The following CTNNBIP1 variants were observed in gnomAD, a reference collection of about 807,000 sequenced individuals.
CTNNBIP1 encodes the protein catenin beta interacting protein 1.
In CTNNBIP1, 7 loss-of-function variants were observed where a neutral mutation model predicts 11.8. The observed-to-expected ratio is 0.60, with a 90% CI of 0.34 to 1.12. The LOEUF (loss-of-function observed/expected upper bound fraction) is 1.12, where lower values mean the gene tolerates loss of function less well. CTNNBIP1 is among the 50% of genes most tolerant of loss of function. The probability of loss-of-function intolerance (pLI) is 0.03; values close to 1 mark genes in which losing one functional copy is unlikely to be tolerated. For synonymous variants in CTNNBIP1, 58 were observed against 43.9 expected (o/e 1.32, Z -1.26); for missense variants, 101 against 113.4 (o/e 0.89, Z 0.50).
At position 9,871,939 on chromosome 1, in the gene CTNNBIP1, C is replaced by A; in HGVS notation, c.96+30G>T. On this transcript the variant is annotated intron_variant, in intron 4 of 5. Transcript: ENST00000377263. The surrounding 1 kb of genome is among the most constrained non-coding windows in gnomAD (Gnocchi z 5.2). ...CTCCCTGGGAGACCCTCCCTGGGGG[C>A]CCGCTGCCTGACACCCCACAGGCAC... 6.3e-7 allele frequency: 1 copy of A among 1,588,316 alleles called. No homozygotes were observed. The highest frequency in any genetic ancestry group is 8.6e-7 in the Non-Finnish European group (1 of 1,156,678).
intron 3 of CTNNBIP1, among the ~76,000 whole-genome samples, chr1:9,876,841 T>TACACAC (rs1368991651): frequency 2.1e-5 from 2 of 97,310 alleles, no homozygotes; most frequent in African/African-American, 5.0e-5. Context: ...ACTCCTGCTA[T>TACACAC]ACATACACAC....
intron 3 of CTNNBIP1, among the ~76,000 whole-genome samples, chr1:9,876,316 A>G (rs1026351063): frequency 5.3e-5 from 8 of 152,210 alleles, no homozygotes; most frequent in African/African-American, 1.7e-4. Context: ...AGCCAAAAAA[A>G]GGAAAATGAA....
At chr1:9,899,757 C>CAA (rs1296143611) in intron 1 of CTNNBIP1, among the ~76,000 whole-genome samples, 1 of 141,652 alleles carries the variant, frequency 7.1e-6, no homozygotes, top group African/African-American at 2.7e-5. Flanking sequence ...GGCTCCGTCT[C>CAA]AAAAAAAAAG....
chr1:9,857,609 T>C (rs1394703368), intron 5 of CTNNBIP1, among the ~76,000 whole-genome samples: 3 of 152,036 alleles, frequency 2.0e-5, no homozygotes, highest in African/African-American at 7.2e-5. Context: ...GAGACCAGCC[T>C]ATCCAACGTG....
intron 1 of CTNNBIP1, among the ~76,000 whole-genome samples, chr1:9,898,678 A>G (rs1040982127): frequency 6.6e-6 from 1 of 152,190 alleles, no homozygotes; most frequent in Non-Finnish European, 1.5e-5. Flanking sequence ...GGCAAACAAT[A>G]CACAGTTGTC....
rs182345922 is a variant in CTNNBIP1 at position 9,874,748 on chromosome 1, C to T, written c.-24-2660G>A. Among the ~76,000 whole-genome samples, 176 of 152,324 alleles carry T rather than the reference C, an allele frequency of 1.2e-3. 1 individual carries two copies. The highest frequency in any genetic ancestry group is 3.4e-3 in the Middle Eastern group (1 of 294). Reference sequence around the variant, plus strand: ...AACAGCCTGTGGTGTCTGAGCTTCTCCCACTCTGCAATATCCACACCCATC... The same window carrying T: ...AACAGCCTGTGGTGTCTGAGCTTCTTCCACTCTGCAATATCCACACCCATC... On this transcript the variant is annotated intron_variant, in intron 3 of 5. Coordinates refer to ENST00000377263, the MANE Select transcript of CTNNBIP1 (RefSeq NM_020248.3).
chr1:9,892,747 C>G (rs187536629), intron 1 of CTNNBIP1, among the ~76,000 whole-genome samples: 1 of 152,258 alleles, frequency 6.6e-6, no homozygotes, highest in African/African-American at 2.4e-5. Context: ...CCTGGCTCCA[C>G]GCATCACGTG....
chr1:9,852,892 G>T (rs1419700849), intron 5 of CTNNBIP1, among the ~76,000 whole-genome samples: 1 of 152,182 alleles, frequency 6.6e-6, no homozygotes, highest in Non-Finnish European at 1.5e-5. Flanking sequence ...GAGGGAATGG[G>T]CCATTGGCTT....
chr1:9,870,086 G>A (rs1169633421), intron 5 of CTNNBIP1, among the ~76,000 whole-genome samples: 1 of 152,228 alleles, frequency 6.6e-6, no homozygotes, highest in Non-Finnish European at 1.5e-5. Context: ...ATCGGTGCTT[G>A]GGAACAGGCC....
intron 3 of CTNNBIP1, among the ~76,000 whole-genome samples, chr1:9,877,305 T>C (rs1210609065): frequency 6.6e-6 from 1 of 152,210 alleles, no homozygotes; most frequent in Admixed American, 6.5e-5. Context: ...TGGCCTCGCT[T>C]TGACAGGCAC....
intron 1 of CTNNBIP1, among the ~76,000 whole-genome samples, chr1:9,893,861 A>C (rs1639354622): frequency 6.6e-6 from 1 of 152,178 alleles, no homozygotes; most frequent in Non-Finnish European, 1.5e-5. Context: ...AAAGACACTA[A>C]TCATAAAAAC....
intron 1 of CTNNBIP1, among the ~76,000 whole-genome samples, chr1:9,904,881 T>C (rs915480130): frequency 2.0e-5 from 3 of 152,076 alleles, no homozygotes; most frequent in African/African-American, 4.8e-5. Flanking sequence ...GCTGATGACT[T>C]AGGGACTCGG....
chr1:9,899,820 T>A (rs1639486277), intron 1 of CTNNBIP1, among the ~76,000 whole-genome samples: 1 of 151,946 alleles, frequency 6.6e-6, no homozygotes, highest in African/African-American at 2.4e-5. Context: ...ACGCCTGTAA[T>A]CCCAGAACTT....
At chr1:9,857,490 CAAAA>C (rs561732405) in intron 5 of CTNNBIP1, among the ~76,000 whole-genome samples, 3 of 75,008 alleles carry the variant, frequency 4.0e-5, no homozygotes, top group African/African-American at 9.6e-5. Flanking sequence ...GACCCTGTCT[CAAAA>C]AAAAAAAAAA....
chr1:9,907,323 A>G lies in CTNNBIP1; in HGVS notation c.-144+2772T>C, dbSNP rs191910282. 7.1e-4 allele frequency among the ~76,000 whole-genome samples: 108 copies of G among 152,324 alleles called. 1 individual carries two copies. Among genetic ancestry groups the G allele is most frequent in the African/African-American group, 2.4e-3 (98 of 41,572 alleles). On this transcript the variant is annotated intron_variant, in intron 1 of 5. Transcript: ENST00000377263. ...GTAGCTGGGATTACAGGCACTCGCC[A>G]TCATGCCCAGCTGATTTTTGTATTT...
chr1:9,896,764 C>T (rs1440113422), intron 1 of CTNNBIP1, among the ~76,000 whole-genome samples: 2 of 152,178 alleles, frequency 1.3e-5, no homozygotes, highest in Non-Finnish European at 1.5e-5. Context: ...GTCAGGAGTT[C>T]GAGACCAGCC....
chr1:9,855,725 C>CT (rs528824089), intron 5 of CTNNBIP1, among the ~76,000 whole-genome samples: 340 of 133,758 alleles, frequency 2.5e-3, no homozygotes, highest in African/African-American at 4.0e-3. Context: ...TTAGGAAATG[C>CT]TTTTTTTTTT....
chr1:9,889,057 G>C (rs1639244089), intron 1 of CTNNBIP1, among the ~76,000 whole-genome samples: 2 of 152,158 alleles, frequency 1.3e-5, no homozygotes, highest in Admixed American at 1.3e-4. Context: ...TCTATGAAGG[G>C]GCTCCTGTTC....
At chr1:9,885,937 A>G (rs1031281331) in intron 1 of CTNNBIP1, among the ~76,000 whole-genome samples, 6 of 131,654 alleles carry the variant, frequency 4.6e-5, no homozygotes, top group African/African-American at 1.0e-4. Context: ...CATCTTGAGG[A>G]AAAAAAAAAA....
Sources: gnomAD v4.1 joint callset for allele counts (sites outside exome capture counted in the v4.1 genomes callset) on GRCh38, gnomAD v4.1.1 for gene constraint, Gnocchi (gnomAD v3.1) non-coding constraint, MANE v1.5 for transcripts, NCBI Gene and HGNC (gene_info 2026-07-23, HGNC 2026-07-21) for gene names.